MTMR14: variants seen among roughly 807,000 people sequenced by gnomAD.
The protein encoded by MTMR14 is phosphatidylinositol-3,5-bisphosphate 3-phosphatase MTMR14.
Under a neutral mutation model 86.3 loss-of-function variants are expected in MTMR14, and 48 were observed. The ratio of observed to expected loss-of-function variants is 0.56; its 90% CI spans 0.44 to 0.71. The LOEUF (loss-of-function observed/expected upper bound fraction) is 0.71, where lower values mean the gene tolerates loss of function less well. Ranked by LOEUF, MTMR14 falls within the 30% of genes least tolerant of loss-of-function variation. The pLI is 0.00. For synonymous variants in MTMR14, 366 were observed against 326.1 expected, an observed-to-expected ratio of 1.12 and a Z score of -1.32; for missense variants, 780 against 834.6, an observed-to-expected ratio of 0.93 and a Z score of 0.81.
At position 9,688,750 on chromosome 3, in the gene MTMR14, G is replaced by T. The variant is rs1297475267; in HGVS notation, c.1290G>T (p.Met430Ile). ...GCTTCACCCTGGAAGACATCTGCAT[G>T]CTGAGTGAGTCCTGGGCCCCAACAG... ...DGGFTLEDIC[M>I]LRRKDRGSTT... The change falls in exon 15 of 19, where the codon ATG (methionine) becomes ATT (isoleucine). Residue 430 changes from methionine (M) to isoleucine (I), a missense_variant. Transcript: ENST00000296003. 6.2e-7 allele frequency: 1 copy of T among 1,614,044 alleles called. No individual in the cohort carries two copies. Among genetic ancestry groups the T allele is most frequent in the African/African-American group, 1.3e-5 (1 of 74,922 alleles).
At chr3:9,695,603 C>T (rs1223469274) in intron 17 of MTMR14, among the ~76,000 whole-genome samples, 3 of 152,212 alleles carry the variant, frequency 2.0e-5, no homozygotes, top group African/African-American at 7.2e-5. Context: ...TCAGTAACTC[C>T]ATCCCATTGG....
In MTMR14 at chr3:9,690,154, C is replaced by T. The variant is rs776001794; in HGVS notation, c.1613+11C>T. 6.2e-7 allele frequency: 1 copy of T among 1,613,432 alleles called. No individual in the cohort carries two copies. The highest frequency in any genetic ancestry group is 1.3e-5 in the African/African-American group (1 of 75,030). On this transcript the variant is annotated intron_variant, in intron 17 of 18. Coordinates refer to ENST00000296003, the MANE Select transcript of MTMR14 (RefSeq NM_001077525.3). ...GGTCCCCAAACCCAGGTGAGGAGCT[C>T]CAAAGCCCTTGCTGTTGGAAGTGCC...
At chr3:9,651,305 A>G (rs1409910529) in intron 1 of MTMR14, among the ~76,000 whole-genome samples, 1 of 148,352 alleles carries the variant, frequency 6.7e-6, no homozygotes, top group Admixed American at 6.8e-5. Flanking sequence ...GTCTCGCTAT[A>G]TTGCCCTGGC....
intron 2 of MTMR14, among the ~76,000 whole-genome samples, chr3:9,656,444 C>G (rs1335826971): frequency 6.7e-6 from 1 of 150,302 alleles, no homozygotes; most frequent in Non-Finnish European, 1.5e-5. Context: ...TTTTTTAAGA[C>G]AGAATCTTGC....
rs2125048321 is a variant in MTMR14 at position 9,662,360 on chromosome 3, C to T, written c.402C>T (p.Ile134=). 6.2e-7 allele frequency: 1 copy of T among 1,613,600 alleles called. No individual in the cohort carries two copies. The highest frequency in any genetic ancestry group is 1.3e-5 in the African/African-American group (1 of 74,876). The change falls in exon 3 of 19, where the codon ATC becomes ATT. Residue 134 remains isoleucine, a synonymous_variant. Transcript: ENST00000296003. ...GAGGACGGTTTGTCTGCCCAGTAAT[C>T]CTGTTCAAGGGCAAGGTAAGGCCCA... ...RCRGRFVCPV[I]LFKGKHICRS... is the part of the protein sequence containing the mutation.
chr3:9,691,518 GA>G (rs903715173), intron 17 of MTMR14, among the ~76,000 whole-genome samples: 21 of 152,194 alleles, frequency 1.4e-4, no homozygotes, highest in African/African-American at 5.1e-4. Flanking sequence ...AACAACTAGG[GA>G]GGAAACCAGA....
chr3:9,653,831 C>G, intron 2 of MTMR14, 62 bp downstream of exon 2: 6 of 1,607,038 alleles, frequency 3.7e-6, no homozygotes, highest in Non-Finnish European at 5.1e-6. Context: ...ATCCCTGTGG[C>G]CAGGAAGTCT....
intron 7 of MTMR14, among the ~76,000 whole-genome samples, chr3:9,673,258 A>G (rs1355234880): frequency 2.0e-5 from 3 of 152,212 alleles, no homozygotes; most frequent in Non-Finnish European, 4.4e-5. Flanking sequence ...TGGTGGTAGA[A>G]GAACACATAA....
At chr3:9,699,103 C>T (rs373439231) in intron 18 of MTMR14, among the ~76,000 whole-genome samples, 48 of 149,654 alleles carry the variant, frequency 3.2e-4, no homozygotes, top group African/African-American at 1.1e-3. Context: ...ACCTGGGAAG[C>T]GGAGGTTGCC....
intron 3 of MTMR14, among the ~76,000 whole-genome samples, chr3:9,662,995 C>G (rs2048027672): frequency 6.6e-6 from 1 of 152,108 alleles, no homozygotes. Context: ...AAGTAACTTC[C>G]CTAAGTAGAG....
chr3:9,680,840 A>C (rs867541881), intron 9 of MTMR14, among the ~76,000 whole-genome samples: 10 of 152,048 alleles, frequency 6.6e-5, no homozygotes, highest in South Asian at 2.1e-4. Flanking sequence ...CCGTCTCAAA[A>C]AAACAAACAA....
intron 10 of MTMR14, among the ~76,000 whole-genome samples, chr3:9,684,230 A>G (rs2075861928): frequency 6.6e-6 from 1 of 152,040 alleles, no homozygotes; most frequent in Non-Finnish European, 1.5e-5. Context: ...ACACTGAAAA[A>G]TTGCCCACTC....
intron 1 of MTMR14, chr3:9,650,494 G>A (rs2047217136): frequency 4.9e-6 from 2 of 409,404 alleles, no homozygotes; most frequent in South Asian, 3.3e-5. Flanking sequence ...GTTCCATCCT[G>A]CACCACAGAA....
intron 1 of MTMR14, among the ~76,000 whole-genome samples, chr3:9,651,564 G>A (rs1225606768): frequency 6.6e-6 from 1 of 152,112 alleles, no homozygotes; most frequent in Non-Finnish European, 1.5e-5. Context: ...AAACTTAGAT[G>A]TATATATATT....
intron 17 of MTMR14, among the ~76,000 whole-genome samples, chr3:9,690,571 G>A (rs2076107763): frequency 6.6e-6 from 1 of 152,226 alleles, no homozygotes; most frequent in Non-Finnish European, 1.5e-5. Context: ...CTACATGTGT[G>A]TGGCTGGGAC....
chr3:9,690,178 C>T, intron 17 of MTMR14, 35 bp downstream of exon 17: 1 of 1,608,912 alleles, frequency 6.2e-7, no homozygotes, highest in Non-Finnish European at 8.5e-7. Context: ...GTTGGAAGTG[C>T]CTAGCTTTCC....
chr3:9,672,665 A>G lies in MTMR14; in HGVS notation c.678-20A>G. On this transcript the variant is annotated intron_variant, in intron 6 of 18. Coordinates refer to ENST00000296003, the MANE Select transcript of MTMR14 (RefSeq NM_001077525.3). ...TGTGTGTGTTGCGACACTGTAACACATTGTATCCTTGTCTTGTAGTGTAAC... is the reference window on the plus strand; with the variant it reads ...TGTGTGTGTTGCGACACTGTAACACGTTGTATCCTTGTCTTGTAGTGTAAC... The G allele has an allele frequency of 6.2e-7, 1 of 1,610,404 alleles. No individual in the cohort carries two copies. Among genetic ancestry groups the G allele is most frequent in the Non-Finnish European group, 8.5e-7 (1 of 1,176,550 alleles).
chr3:9,678,191 T>C, intron 9 of MTMR14, 133 bp downstream of exon 9: 1 of 734,498 alleles, frequency 1.4e-6, no homozygotes, highest in Non-Finnish European at 2.3e-6. Context: ...CCTTTGGCCC[T>C]CTGTCCTCTC....
chr3:9,650,237 G>A (rs1472804134), intron 1 of MTMR14: 2 of 446,560 alleles, frequency 4.5e-6, no homozygotes, highest in Admixed American at 2.4e-5. Flanking sequence ...TTCCCCTATA[G>A]AGCAGGAAGA....
Sources: allele counts gnomAD v4.1 joint callset (sites outside exome capture counted in the v4.1 genomes callset), GRCh38; gene constraint gnomAD v4.1.1; transcripts MANE v1.5; gene names NCBI Gene and HGNC (gene_info 2026-07-23, HGNC 2026-07-21).